The following CYYR1 variants were observed in gnomAD, a reference collection of about 807,000 sequenced individuals.
CYYR1 encodes cysteine and tyrosine-rich protein 1.
Under a neutral mutation model 15.2 loss-of-function variants are expected in CYYR1, and 14 were observed. That is an observed-to-expected ratio of 0.92 (90% CI 0.61 to 1.44). The LOEUF is 1.44. CYYR1 is among the 40% of genes most tolerant of loss of function. CYYR1 has a pLI of 0.00. For synonymous variants in CYYR1, 80 were observed against 77.4 expected (o/e 1.03, Z -0.18); for missense variants, 228 against 209.5 (o/e 1.09, Z -0.54).
intron 2 of CYYR1, among the ~76,000 whole-genome samples, chr21:26,509,960 C>A (rs940738302): frequency 1.4e-4 from 22 of 152,152 alleles, no homozygotes; most frequent in African/African-American, 5.1e-4. Context: ...CTGGAATGAT[C>A]TTCTTAAGAT....
intron 2 of CYYR1, among the ~76,000 whole-genome samples, chr21:26,498,326 G>A (rs908908456): frequency 2.6e-5 from 4 of 152,086 alleles, no homozygotes; most frequent in African/African-American, 9.7e-5. Context: ...ATAGGATCAC[G>A]TCCAAATTGT....
chr21:26,527,897 T>C (rs992915547), intron 2 of CYYR1, among the ~76,000 whole-genome samples: 1 of 152,168 alleles, frequency 6.6e-6, no homozygotes, highest in Non-Finnish European at 1.5e-5. Flanking sequence ...ATTACCTTTT[T>C]AAAAATGACA....
intron 1 of CYYR1, chr21:26,568,015 GAAA>G (rs1569181887): frequency 1.3e-5 from 2 of 152,128 alleles, no homozygotes; most frequent in African/African-American, 2.4e-5. Context: ...GAATGAAAGC[GAAA>G]AATAATTACC....
rs116481982 is a variant in CYYR1, at chr21:26,469,738, T to C, written c.335-1104A>G. On this transcript the variant is annotated intron_variant, in intron 3 of 3. Transcript: ENST00000652641. ...ACTTATTCCTCCTATCTAGCTGTAATTTTATATCCTTTAATAAATTTCTCC... is the reference window on the plus strand; with the variant it reads ...ACTTATTCCTCCTATCTAGCTGTAACTTTATATCCTTTAATAAATTTCTCC... Among the ~76,000 whole-genome samples, 1,022 of 152,258 alleles carry C rather than the reference T, an allele frequency of 6.7e-3. 5 individuals carry two copies. The highest frequency in any genetic ancestry group is 0.024 in the African/African-American group (986 of 41,558).
intron 3 of CYYR1, among the ~76,000 whole-genome samples, chr21:26,474,657 C>T (rs1174238120): frequency 6.6e-6 from 1 of 152,110 alleles, no homozygotes; most frequent in African/African-American, 2.4e-5. Context: ...ATTTCAACAT[C>T]CACCTAACCC....
intron 2 of CYYR1, among the ~76,000 whole-genome samples, chr21:26,544,963 A>G (rs1978852946): frequency 6.6e-6 from 1 of 152,046 alleles, no homozygotes; most frequent in Admixed American, 6.5e-5. Flanking sequence ...AACAAAAACA[A>G]AAAAGAAAAA....
At chr21:26,477,353 G>A (rs934227114) in intron 3 of CYYR1, among the ~76,000 whole-genome samples, 1 of 152,122 alleles carries the variant, frequency 6.6e-6, no homozygotes, top group African/African-American at 2.4e-5. Flanking sequence ...TGCACATTAT[G>A]TTTTCGAAGA....
At chr21:26,530,597 T>C (rs2065919370) in intron 2 of CYYR1, among the ~76,000 whole-genome samples, 1 of 152,156 alleles carries the variant, frequency 6.6e-6, no homozygotes, top group Admixed American at 6.6e-5. Flanking sequence ...TTTCTCTTAA[T>C]GTTATCCCTC....
intron 2 of CYYR1, among the ~76,000 whole-genome samples, chr21:26,554,564 T>A (rs559185064): frequency 6.6e-6 from 1 of 152,022 alleles, no homozygotes; most frequent in Non-Finnish European, 1.5e-5. Flanking sequence ...CAATCACATT[T>A]GATTAAGGGC....
In CYYR1 at chr21:26,573,167, G is replaced by A; in HGVS notation, c.-227C>T. ...GGGCGCCCGTGGCCCGAGACGGGCTGCGCTGGGGGCCCAGGTCTCTTTGTC... is the reference window on the plus strand; with the variant it reads ...GGGCGCCCGTGGCCCGAGACGGGCTACGCTGGGGGCCCAGGTCTCTTTGTC... On this transcript the variant is annotated 5_prime_UTR_variant, in exon 1 of 4. Transcript: ENST00000652641. 2.7e-6 allele frequency: 4 copies of A among 1,482,832 alleles called. No homozygotes were observed. The highest frequency in any genetic ancestry group is 3.6e-6 in the Non-Finnish European group (4 of 1,117,800). The allele number at this position is 1,482,832 out of a possible 1,614,324, so 91.9% of individuals were successfully genotyped here.
chr21:26,505,652 A>G (rs1362375615), intron 2 of CYYR1, among the ~76,000 whole-genome samples: 2 of 152,226 alleles, frequency 1.3e-5, no homozygotes, highest in Non-Finnish European at 2.9e-5. Context: ...TTAAGCCAAT[A>G]TAATCATAAA....
intron 1 of CYYR1, among the ~76,000 whole-genome samples, chr21:26,569,890 A>G (rs1226410748): frequency 1.3e-5 from 2 of 152,204 alleles, no homozygotes; most frequent in African/African-American, 4.8e-5. Flanking sequence ...GCTGGATTAT[A>G]CCTGCAGCAA....
intron 2 of CYYR1, among the ~76,000 whole-genome samples, chr21:26,521,720 TCCAC>T (rs1275310667): frequency 6.6e-6 from 1 of 152,148 alleles, no homozygotes; most frequent in Non-Finnish European, 1.5e-5. Context: ...TATATTCCAG[TCCAC>T]CCACCCATAG....
At chr21:26,497,377 C>T (rs1420813650) in intron 2 of CYYR1, among the ~76,000 whole-genome samples, 1 of 152,072 alleles carries the variant, frequency 6.6e-6, no homozygotes, top group Non-Finnish European at 1.5e-5. Flanking sequence ...AAAATAAGCC[C>T]TTTAACAAGA....
At chr21:26,565,391 A>G (rs893026838) in intron 2 of CYYR1, among the ~76,000 whole-genome samples, 4 of 152,176 alleles carry the variant, frequency 2.6e-5, no homozygotes, top group Non-Finnish European at 4.4e-5. Flanking sequence ...ACATTTCCCA[A>G]ATCATCATGA....
intron 2 of CYYR1, among the ~76,000 whole-genome samples, chr21:26,499,004 A>G (rs1434565483): frequency 1.3e-5 from 2 of 152,154 alleles, no homozygotes; most frequent in Non-Finnish European, 2.9e-5. Context: ...GCCAAACCAT[A>G]TCAGCTGTGT....
chr21:26,573,215 G>T lies in CYYR1; in HGVS notation c.-275C>A, dbSNP rs912460270. 5 of 1,427,086 alleles carry T rather than the reference G, an allele frequency of 3.5e-6. No homozygotes were observed. The African/African-American group carries it at 7.3e-5, about 21-fold the overall frequency. 88.4% of individuals were successfully genotyped at this position (1,427,086 alleles called of 1,614,324 possible). Reference sequence around the variant, plus strand: ...GTCTCGCCCCACTGCGCTCAGGCGCGGGGAAGGCGGCCACTCCGGCGTCCT... The same window carrying T: ...GTCTCGCCCCACTGCGCTCAGGCGCTGGGAAGGCGGCCACTCCGGCGTCCT... On this transcript the variant is annotated 5_prime_UTR_variant, in exon 1 of 4. Coordinates refer to ENST00000652641, the MANE Select transcript of CYYR1 (RefSeq NM_001320768.2).
At chr21:26,520,963 G>A (rs1362380063) in intron 2 of CYYR1, among the ~76,000 whole-genome samples, 3 of 152,254 alleles carry the variant, frequency 2.0e-5, no homozygotes, top group East Asian at 3.9e-4. Flanking sequence ...GTTCTCACTT[G>A]TAAGTGGGAC....
chr21:26,534,986 T>C (rs914299030), intron 2 of CYYR1, among the ~76,000 whole-genome samples: 1 of 152,324 alleles, frequency 6.6e-6, no homozygotes, highest in Middle Eastern at 3.4e-3. Context: ...ATGTATTCTA[T>C]CTGGAATTCT....
Sources: allele counts gnomAD v4.1 joint callset (sites outside exome capture counted in the v4.1 genomes callset), GRCh38; gene constraint gnomAD v4.1.1; transcripts MANE v1.5; gene names NCBI Gene and HGNC (gene_info 2026-07-23, HGNC 2026-07-21).